IMMP2L: variants seen among roughly 807,000 people sequenced by gnomAD.
IMMP2L encodes mitochondrial inner membrane protease subunit 2.
In IMMP2L, 18 loss-of-function variants were observed where a neutral mutation model predicts 19.3. The observed-to-expected ratio is 0.93, with a 90% confidence interval of 0.64 to 1.38. The LOEUF (loss-of-function observed/expected upper bound fraction) is 1.38. Ranked by LOEUF, IMMP2L falls within the 40% of genes most tolerant of loss-of-function variation. The pLI is 0.00. For missense variants in IMMP2L, 233 were observed against 218.2 expected, an observed-to-expected ratio of 1.07 and a Z score of -0.43; for synonymous variants, 76 against 73.0, an observed-to-expected ratio of 1.04 and a Z score of -0.21.
chr7:111,050,847 G>A (rs947208008), intron 3 of IMMP2L, among the ~76,000 whole-genome samples: 7 of 152,170 alleles, frequency 4.6e-5, no homozygotes, highest in African/African-American at 7.2e-5. Flanking sequence ...AATCAGAACT[G>A]GGTCAGTTGA....
In IMMP2L at chr7:111,200,755, A is replaced by C. The variant is rs145585495; in HGVS notation, c.240-237190T>G. On this transcript the variant is annotated intron_variant, in intron 3 of 5. Coordinates refer to ENST00000405709, the MANE Select transcript of IMMP2L (RefSeq NM_032549.4). Reference sequence around the variant, plus strand: ...AGCAATCAACTCTGCCCTGGCAGAGAAACAGTTCATGGAGATTTCACCTAG... The same window carrying C: ...AGCAATCAACTCTGCCCTGGCAGAGCAACAGTTCATGGAGATTTCACCTAG... Among the ~76,000 whole-genome samples the C allele has an allele frequency of 3.1e-4, 47 of 152,280 alleles. 1 individual carries two copies. Among genetic ancestry groups the C allele is most frequent in the African/African-American group, 1.1e-3 (44 of 41,544 alleles).
intron 3 of IMMP2L, among the ~76,000 whole-genome samples, chr7:111,443,695 A>T (rs1429712266): frequency 6.6e-6 from 1 of 152,138 alleles, no homozygotes; most frequent in African/African-American, 2.4e-5. Flanking sequence ...GCAATTATTA[A>T]AATATCGGAA....
intron 3 of IMMP2L, among the ~76,000 whole-genome samples, chr7:111,410,175 C>A (rs568400934): frequency 6.6e-6 from 1 of 151,686 alleles, no homozygotes; most frequent in Non-Finnish European, 1.5e-5. Flanking sequence ...ATAAAGTGAA[C>A]AATTCCAAGA....
intron 4 of IMMP2L, among the ~76,000 whole-genome samples, chr7:110,939,003 T>C (rs1432554387): frequency 1.3e-5 from 2 of 152,164 alleles, no homozygotes; most frequent in Non-Finnish European, 2.9e-5. Context: ...ACAGGCAGAC[T>C]CTATTTGCCA....
chr7:111,217,531 A>C (rs976773148), intron 3 of IMMP2L, among the ~76,000 whole-genome samples: 12 of 152,260 alleles, frequency 7.9e-5, no homozygotes, highest in Admixed American at 7.2e-4. Context: ...TAGCTACATG[A>C]AGAAACTAGG....
intron 3 of IMMP2L, among the ~76,000 whole-genome samples, chr7:111,313,939 C>T (rs1010155095): frequency 1.1e-4 from 16 of 152,016 alleles, no homozygotes; most frequent in African/African-American, 1.4e-4. Flanking sequence ...AGTGAGTTCT[C>T]GCAAGATCTA....
intron 5 of IMMP2L, among the ~76,000 whole-genome samples, chr7:110,734,258 TAGAC>T (rs1796468801): frequency 6.6e-6 from 1 of 152,102 alleles, no homozygotes; most frequent in African/African-American, 2.4e-5. Flanking sequence ...CTGGTAGAAA[TAGAC>T]AGTAAAGGCC....
chr7:110,824,885 A>T (rs796495951), intron 5 of IMMP2L, among the ~76,000 whole-genome samples: 5 of 152,302 alleles, frequency 3.3e-5, no homozygotes, highest in African/African-American at 1.2e-4. Flanking sequence ...ATTTAATAAA[A>T]GAGGAAGTCA....
chr7:111,291,598 T>C (rs1018394380), intron 3 of IMMP2L, among the ~76,000 whole-genome samples: 3 of 152,092 alleles, frequency 2.0e-5, no homozygotes, highest in African/African-American at 7.2e-5. Context: ...ATGATGGTTA[T>C]CAGGGGCCAC....
intron 5 of IMMP2L, among the ~76,000 whole-genome samples, chr7:110,879,912 A>C (rs1408379457): frequency 6.6e-6 from 1 of 152,128 alleles, no homozygotes; most frequent in Non-Finnish European, 1.5e-5. Flanking sequence ...GTAGGTTGAT[A>C]ATATTGTTGT....
chr7:110,814,266 T>C (rs893181440), intron 5 of IMMP2L, among the ~76,000 whole-genome samples: 2 of 151,930 alleles, frequency 1.3e-5, no homozygotes, highest in African/African-American at 4.8e-5. Context: ...GCAATTGCCA[T>C]TTTAAGGTAG....
At chr7:110,962,905 A>C in intron 4 of IMMP2L, 1 of 1,375,492 alleles carries the variant, frequency 7.3e-7, no homozygotes, top group Non-Finnish European at 9.3e-7. Flanking sequence ...GAGACACATC[A>C]TGCCACACAG....
In IMMP2L at chr7:110,669,095, GTATATA is replaced by G. The variant is rs1390121538; in HGVS notation, c.409-5380_409-5375del. ...TGTGTGTGTGTGTGTGTGTGTATATGTATATATATATATAGAGAGAGAGAGAGAGAA... is the reference window on the plus strand; with the variant it reads ...TGTGTGTGTGTGTGTGTGTGTATATGTATATATAGAGAGAGAGAGAGAGAA... On this transcript the variant is annotated intron_variant, in intron 5 of 5. Coordinates refer to ENST00000405709, the MANE Select transcript of IMMP2L (RefSeq NM_032549.4). 4.8e-4 allele frequency among the ~76,000 whole-genome samples: 43 copies of G among 88,948 alleles called. 2 individuals carry two copies. The highest frequency in any genetic ancestry group is 3.2e-3 in the African/African-American group (40 of 12,642). 58.4% of individuals were successfully genotyped at this position (88,948 alleles called of 152,430 possible).
chr7:111,271,932 T>C (rs2130306420), intron 3 of IMMP2L, among the ~76,000 whole-genome samples: 1 of 152,110 alleles, frequency 6.6e-6, no homozygotes, highest in East Asian at 1.9e-4. Context: ...GTCTACTTCA[T>C]CTCTATTACC....
At chr7:111,411,472 G>A (rs905269468) in intron 3 of IMMP2L, 15 of 486,770 alleles carry the variant, frequency 3.1e-5, no homozygotes, top group Admixed American at 1.7e-4. Flanking sequence ...ACGAAGTCAC[G>A]GGCAAGCACG....
chr7:111,349,769 T>C lies in IMMP2L; in HGVS notation c.239+137469A>G, dbSNP rs375837118. Among the ~76,000 whole-genome samples the C allele has an allele frequency of 1.1e-4, 17 of 152,212 alleles. No homozygotes were observed. The South Asian group carries it at 3.1e-3, about 28-fold the overall frequency. Reference sequence around the variant, plus strand: ...AAAGAAAATACATGGCTTCTCTTAGTAGGGCCAAATCATGAGGCCCAATCC... The same window carrying C: ...AAAGAAAATACATGGCTTCTCTTAGCAGGGCCAAATCATGAGGCCCAATCC... On this transcript the variant is annotated intron_variant, in intron 3 of 5. Coordinates refer to ENST00000405709, the MANE Select transcript of IMMP2L (RefSeq NM_032549.4).
chr7:111,463,767 T>C (rs1585206572), intron 3 of IMMP2L, among the ~76,000 whole-genome samples: 1 of 152,164 alleles, frequency 6.6e-6, no homozygotes, highest in Non-Finnish European at 1.5e-5. Flanking sequence ...CATCCCTCTA[T>C]AATGAAGTCC....
chr7:110,779,057 G>A lies in IMMP2L; in HGVS notation c.408+107536C>T, dbSNP rs1428070131. Among the ~76,000 whole-genome samples the A allele has an allele frequency of 5.3e-5, 8 of 151,920 alleles. No individual in the cohort carries two copies. The South Asian group carries it at 1.0e-3, about 20-fold the overall frequency. On this transcript the variant is annotated intron_variant, in intron 5 of 5. Coordinates refer to ENST00000405709, the MANE Select transcript of IMMP2L (RefSeq NM_032549.4). ...TTTATTACCTTTAATTATAAGTAAC[G>A]ATTTTATAAAATTTGACTTTTAATC...
At chr7:111,549,384 T>C (rs916668328) in intron 1 of IMMP2L, among the ~76,000 whole-genome samples, 7 of 152,182 alleles carry the variant, frequency 4.6e-5, no homozygotes, top group African/African-American at 9.6e-5. Flanking sequence ...AAAAAGTGAC[T>C]TGTTCATGTT....
Sources: allele counts gnomAD v4.1 joint callset (sites outside exome capture counted in the v4.1 genomes callset), GRCh38; gene constraint gnomAD v4.1.1; transcripts MANE v1.5; gene names NCBI Gene and HGNC (gene_info 2026-07-23, HGNC 2026-07-21).